PIK3C2G: variants seen among roughly 807,000 people sequenced by gnomAD.
The protein encoded by PIK3C2G is phosphatidylinositol-4-phosphate 3-kinase catalytic subunit type 2 gamma.
A neutral mutation model predicts 181.1 loss-of-function variants in PIK3C2G; 168 were observed. The ratio of observed to expected loss-of-function variants is 0.93; its 90% CI spans 0.82 to 1.05. The LOEUF (loss-of-function observed/expected upper bound fraction) is 1.05, where lower values mean the gene tolerates loss of function less well. Among genes scored for constraint, PIK3C2G ranks in the 50% least tolerant of loss-of-function variants. The pLI is 0.00. For missense variants in PIK3C2G, 1,869 were observed against 1,732.8 expected, an observed-to-expected ratio of 1.08 and a Z score of -1.40; for synonymous variants, 573 against 592.2, an observed-to-expected ratio of 0.97 and a Z score of 0.47.
chr12:18,704,677 T>C, the PIK3C2G span, among the ~76,000 whole-genome samples: 5 of 152,144 alleles, frequency 3.3e-5, no homozygotes, highest in East Asian at 9.7e-4. Context: ...GAAGTCCTGA[T>C]GGTAGATGTG....
chr12:18,422,874 G>C (rs1336896682), intron 17 of PIK3C2G, among the ~76,000 whole-genome samples: 1 of 152,116 alleles, frequency 6.6e-6, no homozygotes, highest in East Asian at 1.9e-4. Context: ...GCACGTGAAT[G>C]ATAGAGTGCC....
the PIK3C2G span, among the ~76,000 whole-genome samples, chr12:18,697,270 T>C: frequency 1.3e-5 from 2 of 152,122 alleles, no homozygotes; most frequent in Non-Finnish European, 2.9e-5. Flanking sequence ...GGAAGCATTG[T>C]CAAATTAAAA....
At chr12:18,637,402 T>TTA (rs1949652112) in intron 31 of PIK3C2G, among the ~76,000 whole-genome samples, 1 of 151,276 alleles carries the variant, frequency 6.6e-6, no homozygotes, top group Non-Finnish European at 1.5e-5. Context: ...ACCTAGATAT[T>TTA]TTTTTTTTTT....
chr12:18,514,802 G>A (rs555851700), intron 24 of PIK3C2G, among the ~76,000 whole-genome samples: 2 of 151,998 alleles, frequency 1.3e-5, no homozygotes, highest in South Asian at 2.1e-4. Flanking sequence ...GTTAAAGTGG[G>A]CATCCTTGTC....
chr12:18,302,779 G>C (rs1043563026), intron 5 of PIK3C2G, among the ~76,000 whole-genome samples: 5 of 152,086 alleles, frequency 3.3e-5, no homozygotes, highest in Non-Finnish European at 5.9e-5. Flanking sequence ...CTGTCCTCAG[G>C]GTCCCCAGTG....
chr12:18,689,658 G>A, the PIK3C2G span, among the ~76,000 whole-genome samples: 1 of 152,060 alleles, frequency 6.6e-6, no homozygotes, highest in African/African-American at 2.4e-5. Context: ...AGCCCTCAGT[G>A]GTCAACTCTG....
intron 10 of PIK3C2G, among the ~76,000 whole-genome samples, chr12:18,345,077 G>A (rs1034819744): frequency 6.6e-6 from 1 of 152,168 alleles, no homozygotes; most frequent in African/African-American, 2.4e-5. Context: ...TTTTAGATGT[G>A]TGTTCACTTG....
Position 18,641,668 on chromosome 12 carries a change from ACAAAGTTTTATTTAT to A in PIK3C2G, c.4308+1117_4308+1131del, listed in dbSNP as rs1257964585. 3.3e-5 allele frequency among the ~76,000 whole-genome samples: 5 copies of A among 151,124 alleles called. No individual in the cohort carries two copies. The East Asian group carries it at 9.7e-4, about 29-fold the overall frequency. On this transcript the variant is annotated intron_variant, in intron 32 of 32. Transcript: ENST00000538779. ...ACTCTCACATTTATCTTGTGGATCAACAAAGTTTTATTTATCACCTATAGGTAGGTTGCATCTGAA... is the reference window on the plus strand; with the variant it reads ...ACTCTCACATTTATCTTGTGGATCAACACCTATAGGTAGGTTGCATCTGAA...
rs538544505 is a variant in PIK3C2G at position 18,391,048 on chromosome 12, A to G, written c.1996-74A>G. ...TCTGTTCTTTAGTTTCTATAAATCT[A>G]AGATAGGAATATTAAATCAATAATG... On this transcript the variant is annotated intron_variant, in intron 14 of 32. Coordinates refer to ENST00000538779, the MANE Select transcript of PIK3C2G (RefSeq NM_001288772.2). 32 of 1,036,864 alleles carry G rather than the reference A, an allele frequency of 3.1e-5. No individual in the cohort carries two copies. In the South Asian group the frequency reaches 7.3e-4, roughly 24 times the overall value. 64.2% of individuals were successfully genotyped at this position (1,036,864 alleles called of 1,614,324 possible). A position where few individuals can be genotyped will look rare whatever the true frequency, so the allele number is the denominator to read the frequency against.
At position 18,282,377 on chromosome 12, in the gene PIK3C2G, A is replaced by T; in HGVS notation, c.296A>T (p.His99Leu). The change falls in exon 2 of 33, where the codon CAT becomes CTT. Residue 99 changes from histidine (H) to leucine (L), a missense_variant. By Grantham distance (99) the His-to-Leu change is moderately conservative. Transcript: ENST00000538779. ...FTSKSRELSW[H>L]QVSKAPAIGF... ...TCTAAAAGCCGTGAACTCTCCTGGC[A>T]TCAAGTTAGCAAAGCACCAGCAATT... is the stretch of plus-strand genomic sequence containing the variant. 3 of 1,613,712 alleles carry T rather than the reference A, an allele frequency of 1.9e-6. No homozygotes were observed. Among genetic ancestry groups the T allele is most frequent in the Non-Finnish European group, 2.5e-6 (3 of 1,179,670 alleles).
At chr12:18,253,972 G>A (rs1441884176) in intron 1 of PIK3C2G, among the ~76,000 whole-genome samples, 1 of 150,620 alleles carries the variant, frequency 6.6e-6, no homozygotes, top group Admixed American at 6.6e-5. Flanking sequence ...ATAAAGCAGT[G>A]AGCATTTTCT....
intron 13 of PIK3C2G, among the ~76,000 whole-genome samples, chr12:18,379,555 T>C (rs1942692886): frequency 6.6e-6 from 1 of 152,178 alleles, no homozygotes; most frequent in Admixed American, 6.5e-5. Flanking sequence ...TCTCACACCC[T>C]GGCTCTCTTC....
At chr12:18,710,161 T>C in the PIK3C2G span, among the ~76,000 whole-genome samples, 1 of 148,702 alleles carries the variant, frequency 6.7e-6, no homozygotes, top group Non-Finnish European at 1.5e-5. Context: ...TTGCATTTTG[T>C]CTCTTTTTCT....
At chr12:18,613,041 G>A (rs927135321) in intron 31 of PIK3C2G, among the ~76,000 whole-genome samples, 1 of 152,052 alleles carries the variant, frequency 6.6e-6, no homozygotes, top group Admixed American at 6.6e-5. Flanking sequence ...ATATGACAAA[G>A]AAACATATAA....
rs1329884533 is a variant in PIK3C2G, at chr12:18,373,492, A to G, written c.1880+2181A>G. On this transcript the variant is annotated intron_variant, in intron 13 of 32. Coordinates refer to ENST00000538779, the MANE Select transcript of PIK3C2G (RefSeq NM_001288772.2). ...ATAAATCAGTTAGGGCTGCATCAAC[A>G]AAGTCTGAAAATAAAAATAAACTTC... Among the ~76,000 whole-genome samples, 31 of 152,230 alleles carry G rather than the reference A, an allele frequency of 2.0e-4. 1 individual carries two copies. Among genetic ancestry groups the G allele is most frequent in the Admixed American group, 2.0e-3 (30 of 15,288 alleles).
chr12:18,292,227 A>AAAAAAAAAAATATAT, intron 4 of PIK3C2G, among the ~76,000 whole-genome samples: 31 of 48,710 alleles, frequency 6.4e-4, no homozygotes, highest in South Asian at 8.9e-4. Flanking sequence ...AAAAAAAAAA[A>AAAAAAAAAAATATAT]ATATATATAT....
chr12:18,683,818 AC>A, the PIK3C2G span, among the ~76,000 whole-genome samples: 3 of 151,902 alleles, frequency 2.0e-5, no homozygotes, highest in Non-Finnish European at 4.4e-5. Context: ...TCTGGTTGCC[AC>A]CCATCATCAT....
the PIK3C2G span, among the ~76,000 whole-genome samples, chr12:18,655,189 T>C: frequency 6.6e-6 from 1 of 152,120 alleles, no homozygotes; most frequent in East Asian, 1.9e-4. Context: ...AAAATATTAA[T>C]CATCACTAGA....
rs779347644 is a variant in PIK3C2G, at chr12:18,420,990, C to T, written c.2365C>T (p.Leu789Phe). Residue 789 changes from leucine to phenylalanine, a missense_variant, in exon 17 of 33, where the codon CTC becomes TTC. Coordinates refer to ENST00000538779, the MANE Select transcript of PIK3C2G (RefSeq NM_001288772.2). ...RKVAVQQLDN[L>F]LNDELLEYLP... is the part of the protein sequence containing the mutation. ...AGTGGCAGTTCAACAATTAGACAACCTCTTGAATGATGAACTACTGGAATA... is the reference window on the plus strand; with the variant it reads ...AGTGGCAGTTCAACAATTAGACAACTTCTTGAATGATGAACTACTGGAATA... 7.5e-6 allele frequency: 12 copies of T among 1,606,246 alleles called. No homozygotes were observed. Among genetic ancestry groups the T allele is most frequent in the Non-Finnish European group, 1.0e-5 (12 of 1,173,542 alleles).
Sources: allele counts gnomAD v4.1 joint callset (sites outside exome capture counted in the v4.1 genomes callset), GRCh38; gene constraint gnomAD v4.1.1; transcripts MANE v1.5; gene names NCBI Gene and HGNC (gene_info 2026-07-23, HGNC 2026-07-21).